The following PRRC2C variants were observed in gnomAD, a reference collection of about 807,000 sequenced individuals.
PRRC2C encodes proline rich coiled-coil 2C.
A neutral mutation model predicts 317.2 loss-of-function variants in PRRC2C; 72 were observed. The ratio of observed to expected loss-of-function variants is 0.23; its 90% CI spans 0.19 to 0.28. PRRC2C has a LOEUF of 0.28. Ranked by LOEUF, PRRC2C falls within the 10% of genes least tolerant of loss-of-function variation. The probability of loss-of-function intolerance (pLI) is 1.00; values close to 1 mark genes in which losing one functional copy is unlikely to be tolerated. For missense variants in PRRC2C, 3,074 were observed against 3,459.7 expected (o/e 0.89, Z 2.80); for synonymous variants, 1,296 against 1,205.9 (o/e 1.07, Z -1.55).
At chr1:171,523,046 T>C (rs544850550) in intron 7 of PRRC2C, among the ~76,000 whole-genome samples, 175 bp from the exon 8 acceptor site, 4 of 152,334 alleles carry the variant, frequency 2.6e-5, no homozygotes, top group Admixed American at 2.6e-4. Flanking sequence ...TTACGTATTA[T>C]CCTATCATTA....
intron 23 of PRRC2C, among the ~76,000 whole-genome samples, chr1:171,569,623 T>C (rs1436523085): frequency 1.4e-5 from 2 of 139,792 alleles, no homozygotes; most frequent in Non-Finnish European, 3.1e-5. Flanking sequence ...TAACTCCTTA[T>C]ACCTCCTGTG....
intron 11 of PRRC2C, among the ~76,000 whole-genome samples, chr1:171,529,723 A>G (rs1025253744): frequency 2.0e-5 from 3 of 152,178 alleles, no homozygotes; most frequent in East Asian, 1.9e-4. Flanking sequence ...TTTTAAAACT[A>G]TGGATTAGGT....
chr1:171,562,734 A>G (rs929999052), intron 20 of PRRC2C, among the ~76,000 whole-genome samples: 22 of 152,300 alleles, frequency 1.4e-4, no homozygotes, highest in African/African-American at 5.3e-4. Flanking sequence ...TATGCCTCTG[A>G]GTGGAAATGT....
rs532436084 is a variant in PRRC2C at position 171,538,432 on chromosome 1, A to G, written c.2504+959A>G. Among the ~76,000 whole-genome samples, 435 of 152,374 alleles carry G rather than the reference A, an allele frequency of 2.9e-3. 5 individuals carry two copies. The highest frequency in any genetic ancestry group is 5.4e-3 in the Non-Finnish European group (365 of 68,038). ...TAAGGCCAAGATAAGGAGAAATACAATAATACAAAGTTAACTTTGAAATGG... is the reference window on the plus strand; with the variant it reads ...TAAGGCCAAGATAAGGAGAAATACAGTAATACAAAGTTAACTTTGAAATGG... On this transcript the variant is annotated intron_variant, in intron 15 of 34. Transcript: ENST00000647382.
intron 13 of PRRC2C, among the ~76,000 whole-genome samples, chr1:171,535,801 C>T (rs912394022): frequency 1.3e-5 from 2 of 152,178 alleles, no homozygotes; most frequent in Non-Finnish European, 2.9e-5. Flanking sequence ...TTTATAGACA[C>T]CATCTTCCAT....
At position 171,557,864 on chromosome 1, in the gene PRRC2C, C is replaced by A. The variant is rs748072963; in HGVS notation, c.5752C>A (p.Pro1918Thr). Residue 1918 changes from proline to threonine, a missense_variant, in exon 19 of 35, where the codon CCT becomes ACT. By Grantham distance (38) the Pro-to-Thr change is conservative. Around this residue, in one of 11 missense-constraint regions of PRRC2C, gnomAD observed 640 missense variants for 676.1 expected, o/e 0.95. Coordinates refer to ENST00000647382, the MANE Select transcript of PRRC2C (RefSeq NM_001387844.1). The part of the protein sequence containing the change: ...PASASAPAPA[P>T]TPVSAPNPAP... The stretch of plus-strand genomic sequence containing the variant: ...CTCAGCTTCAGCCCCAGCCCCAGCC[C>A]CTACCCCAGTCTCAGCCCCAAATCC... 6.5e-6 allele frequency: 10 copies of A among 1,542,676 alleles called. No homozygotes were observed. In the South Asian group the frequency reaches 1.2e-4, roughly 19 times the overall value.
chr1:171,495,854 T>TA (rs1258549788), intron 1 of PRRC2C, among the ~76,000 whole-genome samples: 1 of 152,138 alleles, frequency 6.6e-6, no homozygotes, highest in Non-Finnish European at 1.5e-5. Context: ...CTGGATGGCT[T>TA]AAAAAACAGA....
Position 171,566,796 on chromosome 1 carries a change from G to C in PRRC2C, c.6511G>C (p.Gly2171Arg). 1.2e-6 allele frequency: 2 copies of C among 1,613,770 alleles called. No individual in the cohort carries two copies. The highest frequency in any genetic ancestry group is 1.7e-6 in the Non-Finnish European group (2 of 1,179,826). The change falls in exon 22 of 35, where the codon GGA becomes CGA. Residue 2171 changes from glycine to arginine, a missense_variant. Physicochemically the swap from Gly to Arg is moderately radical, Grantham distance 125. This residue lies in a region of PRRC2C where 640 missense variants were observed against 676.1 expected (regional missense o/e 0.95). Transcript: ENST00000647382. ...AGTCTCAGAAATGTCTACTGAAATA[G>C]GAACAATGATCTCGGTATCATCTGC... Reference protein sequence around the residue: ...KAVSEMSTEIGTMISVSSAEY... With the variant: ...KAVSEMSTEIRTMISVSSAEY...
In PRRC2C at chr1:171,566,499, A is replaced by T. The variant is rs1683693311; in HGVS notation, c.6306+78A>T. 4 of 1,479,300 alleles carry T rather than the reference A, an allele frequency of 2.7e-6. No homozygotes were observed. The African/African-American group carries it at 4.3e-5, about 16-fold the overall frequency. The allele number at this position is 1,479,300 out of a possible 1,614,324, so 91.6% of individuals were successfully genotyped here. A position where few individuals can be genotyped will look rare whatever the true frequency, so the allele number is the denominator to read the frequency against. ...GAGCAAATAATACTTTTAAAAGTGA[A>T]CTTAATTTTAATGAATATCTTTGAT... is the stretch of plus-strand genomic sequence containing the variant. On this transcript the variant is annotated intron_variant, in intron 21 of 34. Coordinates refer to ENST00000647382, the MANE Select transcript of PRRC2C (RefSeq NM_001387844.1).
In PRRC2C at chr1:171,512,070, T is replaced by C; in HGVS notation, c.-19T>C. ...AGGGGTGTGGCAGGAGGTTTTGGAC[T>C]CGATGAGTTTCCACCGAAATGTCGG... On this transcript the variant is annotated 5_prime_UTR_variant, in exon 2 of 35. Transcript: ENST00000647382. The C allele has an allele frequency of 6.7e-7, 1 of 1,493,624 alleles. No homozygotes were observed. The highest frequency in any genetic ancestry group is 9.1e-7 in the Non-Finnish European group (1 of 1,096,636). 92.5% of individuals were successfully genotyped at this position (1,493,624 alleles called of 1,614,324 possible).
At chr1:171,491,413 A>G (rs561456583) in intron 1 of PRRC2C, among the ~76,000 whole-genome samples, 1 of 152,332 alleles carries the variant, frequency 6.6e-6, no homozygotes, top group African/African-American at 2.4e-5. Context: ...GGCCTCGCAG[A>G]GGGAACTGTG....
chr1:171,588,306 C>G, intron 32 of PRRC2C, 73 bp from the exon 33 acceptor site: 2 of 1,495,296 alleles, frequency 1.3e-6, no homozygotes, highest in South Asian at 2.4e-5. Flanking sequence ...ATACCAAGAA[C>G]GGTGTTTGCA....
chr1:171,580,319 G>A (rs1473299065), intron 28 of PRRC2C, among the ~76,000 whole-genome samples: 7 of 152,172 alleles, frequency 4.6e-5, no homozygotes, highest in Admixed American at 4.6e-4. Context: ...CTGAGGCATG[G>A]CAGTTAACTA....
At chr1:171,508,441 C>T (rs149185606) in intron 1 of PRRC2C, among the ~76,000 whole-genome samples, 3 of 152,248 alleles carry the variant, frequency 2.0e-5, no homozygotes, top group East Asian at 3.9e-4. Context: ...TGGTATATCA[C>T]ATTGATTTGC....
intron 4 of PRRC2C, 37 bp downstream of exon 4, chr1:171,514,682 G>C: frequency 1.3e-6 from 2 of 1,497,722 alleles, no homozygotes; most frequent in Non-Finnish European, 1.8e-6. Context: ...GCCTAGGCTT[G>C]ATAGTTACTG....
intron 1 of PRRC2C, among the ~76,000 whole-genome samples, chr1:171,487,665 A>G (rs1202397085): frequency 6.6e-6 from 1 of 152,186 alleles, no homozygotes; most frequent in Non-Finnish European, 1.5e-5. Flanking sequence ...GGTGATGATA[A>G]TAGGACTTCC....
In PRRC2C at chr1:171,545,492, C is replaced by A; in HGVS notation, c.4777C>A (p.Gln1593Lys). Reference protein sequence around the residue: ...KSGKRGPFDDQPAGTTGVDLI... With the variant: ...KSGKRGPFDDKPAGTTGVDLI... ...ATTTTTTTGTAGGCCATTTGATGAC[C>A]AGCCTGCAGGCACAACTGGGGTTGA... is the stretch of plus-strand genomic sequence containing the variant. Residue 1593 changes from glutamine to lysine, a missense_variant, in exon 17 of 35, where the codon CAG becomes AAG. Gln to Lys is a moderately conservative substitution (Grantham distance 53, BLOSUM62 1). Around this residue, in one of 11 missense-constraint regions of PRRC2C, gnomAD observed 178 missense variants for 163.0 expected, o/e 1.09. Transcript: ENST00000647382. 6.4e-7 allele frequency: 1 copy of A among 1,566,328 alleles called. No individual in the cohort carries two copies. Among genetic ancestry groups the A allele is most frequent in the Non-Finnish European group, 8.7e-7 (1 of 1,155,234 alleles).
chr1:171,549,596 C>CT (rs1175556047), intron 17 of PRRC2C, among the ~76,000 whole-genome samples: 3 of 152,052 alleles, frequency 2.0e-5, no homozygotes, highest in Non-Finnish European at 4.4e-5. Flanking sequence ...GAGTCGCACT[C>CT]TGTCACCCAG....
intron 1 of PRRC2C, among the ~76,000 whole-genome samples, chr1:171,496,118 C>A (rs1668040366): frequency 6.7e-6 from 1 of 149,676 alleles, no homozygotes; most frequent in Non-Finnish European, 1.5e-5. Flanking sequence ...AGGGATTCAA[C>A]ATATGAATGT....
Sources: gnomAD v4.1 joint callset for allele counts (sites outside exome capture counted in the v4.1 genomes callset) on GRCh38, gnomAD v4.1.1 for gene constraint, gnomAD v4.1.1 regional missense constraint, MANE v1.5 for transcripts, NCBI Gene and HGNC (gene_info 2026-07-23, HGNC 2026-07-21) for gene names.